Variants in CNTNAP5 observed in about 807,000 individuals in gnomAD.
The protein encoded by CNTNAP5 is contactin associated protein family member 5.
In CNTNAP5, 72 loss-of-function variants were observed where a neutral mutation model predicts 150.2. The ratio of observed to expected loss-of-function variants is 0.48; its 90% CI spans 0.40 to 0.58. CNTNAP5 has a LOEUF of 0.58. CNTNAP5 is among the 20% of genes least tolerant of loss of function. The probability of loss-of-function intolerance (pLI) is 0.00; values close to 1 mark genes in which losing one functional copy is unlikely to be tolerated. For missense variants in CNTNAP5, 1,636 were observed against 1,626.2 expected (o/e 1.01, Z -0.10); for synonymous variants, 672 against 619.8 (o/e 1.08, Z -1.25).
At chr2:124,088,016 CATT>C (rs1389487566) in intron 1 of CNTNAP5, among the ~76,000 whole-genome samples, 5 of 152,096 alleles carry the variant, frequency 3.3e-5, no homozygotes, top group African/African-American at 4.8e-5. Context: ...AGTTTTCAGC[CATT>C]ATTCAAGTTA....
chr2:124,249,638 T>C (rs1382211250), intron 3 of CNTNAP5, among the ~76,000 whole-genome samples: 2 of 152,224 alleles, frequency 1.3e-5, no homozygotes, highest in Admixed American at 1.3e-4. Context: ...TGTATTTGAT[T>C]GATGTCTCAT....
At chr2:124,270,822 C>CA (rs1687729696) in intron 3 of CNTNAP5, among the ~76,000 whole-genome samples, 1 of 152,144 alleles carries the variant, frequency 6.6e-6, no homozygotes. Flanking sequence ...ATCAAAATGA[C>CA]AGAGTCAAAA....
At chr2:124,333,130 C>T (rs1433223119) in intron 3 of CNTNAP5, among the ~76,000 whole-genome samples, 1 of 151,944 alleles carries the variant, frequency 6.6e-6, no homozygotes, top group Non-Finnish European at 1.5e-5. Context: ...GAGCCTGGCG[C>T]TTTGGCTCAT....
chr2:124,432,388 G>GTC (rs1692412676), intron 4 of CNTNAP5, among the ~76,000 whole-genome samples: 1 of 152,034 alleles, frequency 6.6e-6, no homozygotes, highest in Admixed American at 6.6e-5. Context: ...GAGACACTGG[G>GTC]TCCCTCCTTT....
At chr2:124,806,860 G>C (rs1682092525) in intron 19 of CNTNAP5, among the ~76,000 whole-genome samples, 1 of 151,840 alleles carries the variant, frequency 6.6e-6, no homozygotes, top group Admixed American at 6.6e-5. Flanking sequence ...TACAAAGAAG[G>C]GTTATTACAA....
At chr2:124,289,854 A>T (rs569522176) in intron 3 of CNTNAP5, among the ~76,000 whole-genome samples, 2 of 152,276 alleles carry the variant, frequency 1.3e-5, no homozygotes, top group African/African-American at 4.8e-5. Flanking sequence ...TATAAACTTG[A>T]TATTTGAAGA....
chr2:124,440,963 ATTAAGTG>A (rs913966164), intron 5 of CNTNAP5, among the ~76,000 whole-genome samples: 31 of 152,256 alleles, frequency 2.0e-4, no homozygotes, highest in African/African-American at 7.0e-4. Flanking sequence ...TTTCGTGAGA[ATTAAGTG>A]TTTTGTGATC....
At chr2:124,846,382 C>T (rs999051964) in intron 19 of CNTNAP5, among the ~76,000 whole-genome samples, 13 of 152,054 alleles carry the variant, frequency 8.5e-5, no homozygotes, top group Admixed American at 7.9e-4. Flanking sequence ...TGAGACTTTC[C>T]GGTGCATTTC....
intron 13 of CNTNAP5, among the ~76,000 whole-genome samples, chr2:124,695,585 A>G (rs1256644357): frequency 1.3e-5 from 2 of 152,176 alleles, no homozygotes; most frequent in Non-Finnish European, 2.9e-5. Flanking sequence ...AGACATTTTC[A>G]TATCATTTAT....
intron 3 of CNTNAP5, among the ~76,000 whole-genome samples, chr2:124,326,804 C>A (rs552299927): frequency 5.1e-4 from 78 of 151,666 alleles, no homozygotes; most frequent in African/African-American, 1.6e-3. Context: ...TAAATAAATA[C>A]ATACATACAT....
chr2:124,687,376 T>G (rs555399796), intron 13 of CNTNAP5, among the ~76,000 whole-genome samples: 1 of 152,186 alleles, frequency 6.6e-6, no homozygotes, highest in South Asian at 2.1e-4. Context: ...TGTTAACAGC[T>G]AGGCCTTCCT....
intron 1 of CNTNAP5, among the ~76,000 whole-genome samples, chr2:124,170,138 A>C (rs1684896130): frequency 6.6e-6 from 1 of 152,210 alleles, no homozygotes; most frequent in Non-Finnish European, 1.5e-5. Context: ...CCACTAAAGG[A>C]TGACACAGGA....
chr2:124,869,118 T>C (rs1049124110), intron 20 of CNTNAP5, among the ~76,000 whole-genome samples: 1 of 152,168 alleles, frequency 6.6e-6, no homozygotes, highest in African/African-American at 2.4e-5. Flanking sequence ...ATCGTCCATG[T>C]TGGTTGCAGC....
intron 9 of CNTNAP5, among the ~76,000 whole-genome samples, chr2:124,525,872 G>A (rs1216501981): frequency 7.2e-5 from 11 of 152,112 alleles, no homozygotes; most frequent in Admixed American, 7.2e-4. Flanking sequence ...TTTGTGCAAG[G>A]CCATAGAGCT....
chr2:124,660,784 A>G (rs963835761), intron 13 of CNTNAP5, among the ~76,000 whole-genome samples: 2 of 151,924 alleles, frequency 1.3e-5, no homozygotes, highest in Non-Finnish European at 2.9e-5. Context: ...ACAAGACAAA[A>G]GATACAAAAA....
At chr2:124,864,913 T>G (rs1398047009) in intron 19 of CNTNAP5, among the ~76,000 whole-genome samples, 1 of 152,104 alleles carries the variant, frequency 6.6e-6, no homozygotes, top group Non-Finnish European at 1.5e-5. Context: ...AGTCCTTAGA[T>G]ATAAAAGGGA....
At chr2:124,221,129 A>G (rs921531350) in intron 1 of CNTNAP5, among the ~76,000 whole-genome samples, 3 of 152,204 alleles carry the variant, frequency 2.0e-5, no homozygotes, top group Non-Finnish European at 4.4e-5. Context: ...TACAAGATCT[A>G]GGACTATTCA....
chr2:124,065,295 A>C (rs549652405), intron 1 of CNTNAP5, among the ~76,000 whole-genome samples: 1 of 152,326 alleles, frequency 6.6e-6, no homozygotes, highest in Non-Finnish European at 1.5e-5. Flanking sequence ...GAAGCTGATA[A>C]ACAAGATAAA....
intron 7 of CNTNAP5, among the ~76,000 whole-genome samples, chr2:124,476,904 G>A (rs1367930270): frequency 6.6e-6 from 1 of 152,092 alleles, no homozygotes; most frequent in Non-Finnish European, 1.5e-5. Context: ...AATTTTATCT[G>A]CACCAGTTGG....
Sources: allele counts gnomAD v4.1 joint callset (sites outside exome capture counted in the v4.1 genomes callset), GRCh38; gene constraint gnomAD v4.1.1; transcripts MANE v1.5; gene names NCBI Gene and HGNC (gene_info 2026-07-23, HGNC 2026-07-21).